The following CPPED1 variants were observed in gnomAD, a reference collection of about 807,000 sequenced individuals.
The protein encoded by CPPED1 is serine/threonine-protein phosphatase CPPED1.
In CPPED1, 28 loss-of-function variants were observed where a neutral mutation model predicts 28.0. That is an observed-to-expected ratio of 1.00 (90% confidence interval 0.74 to 1.37). CPPED1 has a LOEUF of 1.37. Ranked by LOEUF, CPPED1 falls within the 40% of genes most tolerant of loss-of-function variation. The probability of loss-of-function intolerance (pLI) is 0.00; values close to 1 mark genes in which losing one functional copy is unlikely to be tolerated. For synonymous variants in CPPED1, 198 were observed against 180.2 expected (o/e 1.10, Z -0.79); for missense variants, 504 against 416.5 (o/e 1.21, Z -1.83).
At chr16:12,680,444 T>G (rs1255526607) in intron 3 of CPPED1, among the ~76,000 whole-genome samples, 1 of 152,134 alleles carries the variant, frequency 6.6e-6, no homozygotes, top group Non-Finnish European at 1.5e-5. Flanking sequence ...AATCTGTATC[T>G]TAATAATAAA....
Position 12,682,568 on chromosome 16 carries a change from C to T in CPPED1, c.716-17453G>A, listed in dbSNP as rs2079911121. Among the ~76,000 whole-genome samples the T allele has an allele frequency of 1.3e-5, 2 of 152,102 alleles. No individual in the cohort carries two copies. The highest frequency in any genetic ancestry group is 4.8e-5 in the African/African-American group (2 of 41,410). ...CTGAGCTGTGTAGGTGTGGCATGGG[C>T]AGCAACATATCTGAACTCCTCATTT... On this transcript the variant is annotated intron_variant, in intron 3 of 3. Coordinates refer to ENST00000381774, the MANE Select transcript of CPPED1 (RefSeq NM_018340.3). The surrounding 1 kb of genome is among the most constrained non-coding windows in gnomAD (Gnocchi z 6.1).
rs897383308 is a variant in CPPED1 at position 12,670,675 on chromosome 16, C to T, written c.716-5560G>A. On this transcript the variant is annotated intron_variant, in intron 3 of 3. Transcript: ENST00000381774. This position sits in a 1 kb window ranked among gnomAD's most constrained non-coding sequence, Gnocchi z 4.2. ...CACCCCAGTCTAATCCAGAGAAAAA[C>T]ATCAGACACATTCCCAAGAGAGACA... 1.7e-4 allele frequency among the ~76,000 whole-genome samples: 26 copies of T among 152,248 alleles called. No individual in the cohort carries two copies. The highest frequency in any genetic ancestry group is 5.8e-4 in the African/African-American group (24 of 41,554).
chr16:12,793,490 C>T (rs965532122), intron 1 of CPPED1, among the ~76,000 whole-genome samples: 10 of 152,186 alleles, frequency 6.6e-5, no homozygotes, highest in Non-Finnish European at 1.5e-4. Flanking sequence ...CATTTCTACC[C>T]TTTACCAGCT....
At chr16:12,725,253 C>A (rs1400382564) in intron 2 of CPPED1, among the ~76,000 whole-genome samples, 2 of 152,132 alleles carry the variant, frequency 1.3e-5, no homozygotes, top group African/African-American at 4.8e-5. Context: ...GCCACCACAC[C>A]TGGCTAATTT....
At position 12,682,116 on chromosome 16, in the gene CPPED1, T is replaced by C. The variant is rs2079908238; in HGVS notation, c.716-17001A>G. Reference sequence around the variant, plus strand: ...TGGCGCGATCTTGGCTCACTGCAACTTGCGTATCCTGGGTTCAAGCAGTTC... The same window carrying C: ...TGGCGCGATCTTGGCTCACTGCAACCTGCGTATCCTGGGTTCAAGCAGTTC... On this transcript the variant is annotated intron_variant, in intron 3 of 3. Coordinates refer to ENST00000381774, the MANE Select transcript of CPPED1 (RefSeq NM_018340.3). This position sits in a 1 kb window ranked among gnomAD's most constrained non-coding sequence, Gnocchi z 6.1. Among the ~76,000 whole-genome samples the C allele has an allele frequency of 6.6e-6, 1 of 152,100 alleles. No individual in the cohort carries two copies. The highest frequency in any genetic ancestry group is 6.5e-5 in the Admixed American group (1 of 15,278).
chr16:12,668,403 G>A (rs2079836918), intron 3 of CPPED1, among the ~76,000 whole-genome samples: 1 of 152,088 alleles, frequency 6.6e-6, no homozygotes, highest in South Asian at 2.1e-4. Context: ...TTGGAAGGGA[G>A]ATAAAAATAC....
At chr16:12,697,721 C>T (rs764027171) in intron 3 of CPPED1, among the ~76,000 whole-genome samples, 40 of 152,242 alleles carry the variant, frequency 2.6e-4, no homozygotes, top group Admixed American at 4.6e-4. Context: ...GTAGTTGCTA[C>T]AGAGACCATA....
rs376756823 is a variant in CPPED1 at position 12,704,878 on chromosome 16, C to A, written c.461G>T (p.Trp154Leu). ...RTWGDDYFSF[W>L]VGGVLFLVLN... ...GACCAGGAACAGGACGCCCCCGACC[C>A]AGAAGCTGAAGTAGTCATCTCCCCA... is the stretch of plus-strand genomic sequence containing the variant. The change falls in exon 3 of 4, where the codon TGG becomes TTG. Residue 154 changes from tryptophan to leucine, a missense_variant. By Grantham distance (61) the Trp-to-Leu change is moderately conservative. Transcript: ENST00000381774. 2 of 1,614,170 alleles carry A rather than the reference C, an allele frequency of 1.2e-6. No homozygotes were observed. The highest frequency in any genetic ancestry group is 1.7e-6 in the Non-Finnish European group (2 of 1,180,028).
intron 3 of CPPED1, among the ~76,000 whole-genome samples, chr16:12,672,597 G>A (rs982599660): frequency 3.3e-5 from 5 of 152,210 alleles, no homozygotes; most frequent in Admixed American, 2.0e-4. Context: ...TTGTGTATAT[G>A]TATACCTCAG....
chr16:12,779,215 TTTC>T (rs1247594778), intron 2 of CPPED1, among the ~76,000 whole-genome samples: 4 of 152,128 alleles, frequency 2.6e-5, no homozygotes, highest in Admixed American at 6.5e-5. Context: ...GAAATCTTCT[TTTC>T]TTCTTCTTTT....
intron 3 of CPPED1, among the ~76,000 whole-genome samples, chr16:12,685,668 C>T (rs1277682063): frequency 2.0e-5 from 3 of 152,116 alleles, no homozygotes; most frequent in African/African-American, 7.2e-5. Flanking sequence ...TCACTATCCA[C>T]ACCCTCCCTT....
chr16:12,676,664 G>A (rs1047221262), intron 3 of CPPED1, among the ~76,000 whole-genome samples: 2 of 152,144 alleles, frequency 1.3e-5, no homozygotes, highest in African/African-American at 4.8e-5. Context: ...CTTCCTGGAG[G>A]GGGTGGCTCT....
rs551004053 is a variant in CPPED1, at chr16:12,661,995, A to C, written c.*2891T>G. 1 of 152,278 alleles carries C rather than the reference A, an allele frequency of 6.6e-6. No homozygotes were observed. The highest frequency in any genetic ancestry group is 1.5e-5 in the Non-Finnish European group (1 of 68,098). 9.4% of individuals were successfully genotyped at this position (152,278 alleles called of 1,614,324 possible). A position where few individuals can be genotyped will look rare whatever the true frequency, so the allele number is the denominator to read the frequency against. On this transcript the variant is annotated 3_prime_UTR_variant, in exon 4 of 4. Transcript: ENST00000381774. ...TCTGAGAAACGTTTTCCAAGACAGG[A>C]CAGTGTTATGGAGCATGGACTCAAG...
intron 2 of CPPED1, among the ~76,000 whole-genome samples, chr16:12,772,360 C>G (rs745472533): frequency 2.2e-4 from 34 of 152,194 alleles, no homozygotes; most frequent in Non-Finnish European, 3.5e-4. Flanking sequence ...CCCATAGCAT[C>G]TCCCATTCTT....
In CPPED1 at chr16:12,781,143, G is replaced by A. The variant is rs1023593786; in HGVS notation, c.289+42C>T. 6.4e-6 allele frequency: 10 copies of A among 1,560,932 alleles called. No homozygotes were observed. The African/African-American group carries it at 9.5e-5, about 15-fold the overall frequency. On this transcript the variant is annotated intron_variant, in intron 2 of 3. Coordinates refer to ENST00000381774, the MANE Select transcript of CPPED1 (RefSeq NM_018340.3). ...CTCCTGCCCAAATGCAGTCATGACC[G>A]GCTGAAGGAGAAAAGGTCACAAGCG...
At chr16:12,759,162 C>CT (rs1555489548) in intron 2 of CPPED1, 4 of 38,814 alleles carry the variant, frequency 1.0e-4, no homozygotes, top group Admixed American at 2.8e-4. Context: ...GACTCTGTCT[C>CT]TAAAAAAAAA....
chr16:12,710,979 A>G (rs758148808), intron 2 of CPPED1, among the ~76,000 whole-genome samples: 65 of 152,196 alleles, frequency 4.3e-4, no homozygotes, highest in Non-Finnish European at 8.2e-4. Flanking sequence ...CAACAATTCT[A>G]TATCTGAGTC....
At chr16:12,697,159 G>C (rs1209225661) in intron 3 of CPPED1, among the ~76,000 whole-genome samples, 1 of 151,988 alleles carries the variant, frequency 6.6e-6, no homozygotes, top group East Asian at 1.9e-4. Context: ...CAAGTAGCTA[G>C]GACTACAAGT....
intron 3 of CPPED1, among the ~76,000 whole-genome samples, chr16:12,701,899 G>A (rs554719801): frequency 6.6e-6 from 1 of 152,328 alleles, no homozygotes; most frequent in South Asian, 2.1e-4. Flanking sequence ...AGCGCCTGAT[G>A]TCACTGAGAG....
Sources: gnomAD v4.1 joint callset for allele counts (sites outside exome capture counted in the v4.1 genomes callset) on GRCh38, gnomAD v4.1.1 for gene constraint, Gnocchi (gnomAD v3.1) non-coding constraint, MANE v1.5 for transcripts, NCBI Gene and HGNC (gene_info 2026-07-23, HGNC 2026-07-21) for gene names.